Variants in SV2C observed in about 807,000 individuals in gnomAD.
SV2C encodes the protein solute carrier family 22 member B3.
In SV2C, 49 loss-of-function variants were observed where a neutral mutation model predicts 79.7. The observed-to-expected ratio is 0.61, with a 90% CI of 0.49 to 0.78. The LOEUF is 0.78. Among genes scored for constraint, SV2C ranks in the 30% least tolerant of loss-of-function variants. The pLI, the probability that SV2C is intolerant of heterozygous loss-of-function variation, is 0.00. For missense variants in SV2C, 833 were observed against 912.9 expected (o/e 0.91, Z 1.13); for synonymous variants, 334 against 333.2 (o/e 1.00, Z -0.03).
the SV2C span, among the ~76,000 whole-genome samples, chr5:76,054,982 T>C: frequency 1.3e-5 from 2 of 152,222 alleles, no homozygotes; most frequent in Non-Finnish European, 2.9e-5. Context: ...TCTTTTGCTG[T>C]GCAAAAGTTC....
At chr5:76,211,463 C>CGTGTGTGTGT (rs10593541) in intron 4 of SV2C, among the ~76,000 whole-genome samples, 14 of 149,588 alleles carry the variant, frequency 9.4e-5, no homozygotes, top group African/African-American at 3.2e-4. Flanking sequence ...GTTCTGGTTG[C>CGTGTGTGTGT]GTGTGTGTGT....
intron 12 of SV2C, among the ~76,000 whole-genome samples, chr5:76,307,847 GTTC>G (rs994869148): frequency 2.6e-5 from 4 of 151,930 alleles, no homozygotes; most frequent in African/African-American, 4.8e-5. Context: ...TTTTCATTTA[GTTC>G]TTCTTTATTT....
intron 4 of SV2C, among the ~76,000 whole-genome samples, chr5:76,278,529 C>T (rs1313212864): frequency 6.6e-6 from 1 of 152,212 alleles, no homozygotes; most frequent in Non-Finnish European, 1.5e-5. Context: ...ATTGAAAACC[C>T]TCACTTCAAA....
the SV2C span, among the ~76,000 whole-genome samples, chr5:75,873,954 A>AC: frequency 6.6e-5 from 10 of 152,302 alleles, no homozygotes; most frequent in Non-Finnish European, 1.2e-4. Context: ...TGATGGATTC[A>AC]CAGCCGAATT....
In SV2C at chr5:76,300,778, T is replaced by C; in HGVS notation, c.1686T>C (p.Phe562=). 1.9e-6 allele frequency: 3 copies of C among 1,614,160 alleles called. No homozygotes were observed. The highest frequency in any genetic ancestry group is 2.5e-6 in the Non-Finnish European group (3 of 1,179,992). ...FIDSEFKNCS[F]FHNKTGCQIT... ...ACAGTGAATTTAAAAACTGCTCGTT[T>C]TTTCACAACAAGACGGGATGTCAGA... The change falls in exon 11 of 13, where the codon TTT becomes TTC. Residue 562 remains phenylalanine, a synonymous_variant. Transcript: ENST00000502798.
At chr5:76,080,812 A>G (rs975718943), upstream of SV2C, among the ~76,000 whole-genome samples, 8 of 152,188 alleles carry the variant, frequency 5.3e-5, no homozygotes, top group Non-Finnish European at 1.2e-4. Context: ...CGCTTCTACA[A>G]GACAAGTGTT....
chr5:76,120,082 T>C (rs981895234), intron 1 of SV2C, among the ~76,000 whole-genome samples: 6 of 152,186 alleles, frequency 3.9e-5, no homozygotes, highest in African/African-American at 1.4e-4. Context: ...TTGATCCTTA[T>C]ACAATGTATA....
the SV2C span, among the ~76,000 whole-genome samples, chr5:75,984,825 T>C: frequency 9.9e-4 from 151 of 152,166 alleles, 1 homozygote; most frequent in African/African-American, 3.2e-3. Context: ...GAAGTCTTAA[T>C]TCTTCTCTGC....
At chr5:76,176,558 C>T (rs1743536123) in intron 2 of SV2C, among the ~76,000 whole-genome samples, 1 of 152,166 alleles carries the variant, frequency 6.6e-6, no homozygotes, top group African/African-American at 2.4e-5. Context: ...CAATCCTGGT[C>T]CCCATTTACT....
intron 3 of SV2C, among the ~76,000 whole-genome samples, chr5:76,204,190 A>G (rs979761080): frequency 1.3e-5 from 2 of 152,210 alleles, no homozygotes; most frequent in Non-Finnish European, 2.9e-5. Context: ...AATTTATAAC[A>G]TAATAAATTG....
intron 12 of SV2C, among the ~76,000 whole-genome samples, chr5:76,342,431 A>G (rs1389391878): frequency 6.6e-6 from 1 of 152,222 alleles, no homozygotes; most frequent in Non-Finnish European, 1.5e-5. Context: ...GGCCAAGTTT[A>G]CAAAACGGTG....
chr5:75,853,521 A>G, the SV2C span, among the ~76,000 whole-genome samples: 1 of 135,856 alleles, frequency 7.4e-6, no homozygotes, highest in Non-Finnish European at 1.5e-5. Context: ...GCGCCACTGC[A>G]CTCCAGCCTG....
the SV2C span, among the ~76,000 whole-genome samples, chr5:75,952,077 A>C: frequency 6.6e-6 from 1 of 152,032 alleles, no homozygotes; most frequent in African/African-American, 2.4e-5. Context: ...ATTATAATCC[A>C]AGGAGTTCAG....
chr5:76,325,975 T>TC lies in SV2C; in HGVS notation c.*429dup, dbSNP rs1748984234. The TC allele has an allele frequency of 6.9e-6, 1 of 145,590 alleles. No homozygotes were observed. The allele number at this position is 145,590 out of a possible 1,614,324, so 9.0% of individuals were successfully genotyped here. A position where few individuals can be genotyped will look rare whatever the true frequency, so the allele number is the denominator to read the frequency against. On this transcript the variant is annotated 3_prime_UTR_variant, in exon 13 of 13. Transcript: ENST00000502798. ...TTGCATTTGTGCTGAGAAGAGGGAT[T>TC]CTTTTTTTTTTTTTTTCTAACAGAG...
the SV2C span, chr5:75,921,658 G>T: frequency 1.4e-6 from 1 of 701,558 alleles, no homozygotes; most frequent in Non-Finnish European, 2.5e-6. Context: ...CAATGCGGGG[G>T]CCCCCTTTTA....
the SV2C span, among the ~76,000 whole-genome samples, chr5:76,034,798 T>G: frequency 1.3e-5 from 2 of 152,350 alleles, no homozygotes; most frequent in South Asian, 4.1e-4. Context: ...CTTTTTCTAT[T>G]GATTGGAATA....
At chr5:76,059,272 C>T in the SV2C span, among the ~76,000 whole-genome samples, 5 of 152,138 alleles carry the variant, frequency 3.3e-5, no homozygotes, top group Admixed American at 3.3e-4. Flanking sequence ...AAGTTTGCTG[C>T]ATCAATGGAC....
chr5:75,941,617 A>G, the SV2C span, among the ~76,000 whole-genome samples: 1 of 152,186 alleles, frequency 6.6e-6, no homozygotes, highest in Admixed American at 6.5e-5. Flanking sequence ...ATTATGATAC[A>G]TACATTGGTT....
intron 2 of SV2C, among the ~76,000 whole-genome samples, chr5:76,138,067 C>T (rs1749126717): frequency 6.6e-6 from 1 of 152,318 alleles, no homozygotes; most frequent in South Asian, 2.1e-4. Flanking sequence ...TGGCCCAAGG[C>T]CCTGAAAGAG....
Sources: gnomAD v4.1 joint callset for allele counts (sites outside exome capture counted in the v4.1 genomes callset) on GRCh38, gnomAD v4.1.1 for gene constraint, MANE v1.5 for transcripts, NCBI Gene and HGNC (gene_info 2026-07-23, HGNC 2026-07-21) for gene names.